The following SGCZ variants were observed in gnomAD, a reference collection of about 807,000 sequenced individuals.
SGCZ encodes the protein zeta-sarcoglycan.
In SGCZ, 40 loss-of-function variants were observed where a neutral mutation model predicts 41.3. That is an observed-to-expected ratio of 0.97 (90% CI 0.75 to 1.26). The LOEUF is 1.26. SGCZ is among the 50% of genes most tolerant of loss of function. The probability of loss-of-function intolerance (pLI) is 0.00; values close to 1 mark genes in which losing one functional copy is unlikely to be tolerated. For missense variants in SGCZ, 552 were observed against 369.8 expected, an observed-to-expected ratio of 1.49 and a Z score of -4.04; for synonymous variants, 206 against 137.5, an observed-to-expected ratio of 1.50 and a Z score of -3.49.
rs56284031 is a variant in SGCZ, at chr8:14,102,090, A to G, written c.744+286T>C. On this transcript the variant is annotated intron_variant, in intron 7 of 7. Transcript: ENST00000382080. ...CTTGGCTAACTTTATATATATATAT[A>G]TATATATATATATAATTTTTTTTTT... 5.1e-3 allele frequency among the ~76,000 whole-genome samples: 290 copies of G among 57,340 alleles called. 3 individuals carry two copies. The highest frequency in any genetic ancestry group is 0.012 in the Admixed American group (65 of 5,320). The allele number at this position is 57,340 out of a possible 152,430, so 37.6% of individuals were successfully genotyped here.
intron 1 of SGCZ, among the ~76,000 whole-genome samples, chr8:14,795,668 TA>T (rs1426207465): frequency 3.3e-5 from 5 of 152,314 alleles, no homozygotes; most frequent in African/African-American, 1.2e-4. Flanking sequence ...CTTTATTGTT[TA>T]TTTTTTTAAA....
intron 4 of SGCZ, among the ~76,000 whole-genome samples, chr8:14,165,882 G>C (rs924651780): frequency 1.3e-5 from 2 of 152,078 alleles, no homozygotes. Context: ...GAATACTTAA[G>C]CTTTCATCCA....
intron 2 of SGCZ, among the ~76,000 whole-genome samples, chr8:14,503,857 A>G (rs1034636806): frequency 1.3e-5 from 2 of 152,190 alleles, no homozygotes; most frequent in Non-Finnish European, 2.9e-5. Flanking sequence ...TTATAGACTT[A>G]TTTGAAGAGA....
intron 2 of SGCZ, among the ~76,000 whole-genome samples, chr8:14,326,181 C>T (rs1328227872): frequency 1.4e-5 from 2 of 145,782 alleles, no homozygotes; most frequent in Non-Finnish European, 3.0e-5. Flanking sequence ...GATAAGCAAG[C>T]CCAACGTAGA....
intron 1 of SGCZ, among the ~76,000 whole-genome samples, chr8:15,055,740 C>A (rs966993739): frequency 2.6e-5 from 4 of 152,182 alleles, no homozygotes; most frequent in African/African-American, 9.7e-5. Context: ...GCTCTCCAAG[C>A]TCTATCACAT....
chr8:15,168,071 C>T (rs1380054762), intron 1 of SGCZ, among the ~76,000 whole-genome samples: 1 of 152,220 alleles, frequency 6.6e-6, no homozygotes, highest in Non-Finnish European at 1.5e-5. Context: ...GACATCCTTT[C>T]CTCTCTCTTG....
intron 1 of SGCZ, among the ~76,000 whole-genome samples, chr8:14,723,749 T>C (rs548190119): frequency 7.8e-4 from 119 of 152,206 alleles, no homozygotes; most frequent in African/African-American, 2.8e-3. Flanking sequence ...ATATTATACA[T>C]GTTTATATAC....
Position 14,673,465 on chromosome 8 carries a change from A to G in SGCZ, c.40-118539T>C, listed in dbSNP as rs963482034. The stretch of plus-strand genomic sequence containing the variant: ...CGCGCTGTCTCTCTCTCTCTCTCTC[A>G]CTCTCTCTCTCTCTCCTGCCATCTT... On this transcript the variant is annotated intron_variant, in intron 1 of 7. Transcript: ENST00000382080. Among the ~76,000 whole-genome samples, 5 of 133,910 alleles carry G rather than the reference A, an allele frequency of 3.7e-5. No individual in the cohort carries two copies. The East Asian group carries it at 8.8e-4, about 24-fold the overall frequency. The allele number at this position is 133,910 out of a possible 152,430, so 87.9% of individuals were successfully genotyped here. A position where few individuals can be genotyped will look rare whatever the true frequency, so the allele number is the denominator to read the frequency against.
intron 2 of SGCZ, among the ~76,000 whole-genome samples, chr8:14,463,368 C>T (rs1241403750): frequency 2.1e-5 from 3 of 145,762 alleles, no homozygotes; most frequent in African/African-American, 7.6e-5. Flanking sequence ...GGCATGTAGA[C>T]CAATGGAAAA....
In SGCZ at chr8:14,633,176, A is replaced by G. The variant is rs116116823; in HGVS notation, c.40-78250T>C. Among the ~76,000 whole-genome samples the G allele has an allele frequency of 8.8e-3, 1,331 of 152,114 alleles. 17 individuals are homozygous for G. Among genetic ancestry groups the G allele is most frequent in the African/African-American group, 0.03 (1,261 of 41,550 alleles). ...GTCATGAATAAATACATATTTTAAC[A>G]TTTGCTACCTGCATAATTCATCTGG... is the stretch of plus-strand genomic sequence containing the variant. On this transcript the variant is annotated intron_variant, in intron 1 of 7. Transcript: ENST00000382080.
At chr8:14,502,257 C>A (rs866251100) in intron 2 of SGCZ, among the ~76,000 whole-genome samples, 6 of 152,120 alleles carry the variant, frequency 3.9e-5, no homozygotes, top group Middle Eastern at 3.4e-3. Context: ...TTCCATTTTA[C>A]TTACTCTCGA....
intron 4 of SGCZ, among the ~76,000 whole-genome samples, chr8:14,169,011 C>T (rs1161833257): frequency 2.0e-5 from 3 of 152,048 alleles, no homozygotes; most frequent in Non-Finnish European, 1.5e-5. Flanking sequence ...AGAAATGTTC[C>T]TAATATGTTA....
At chr8:14,564,192 G>A (rs1254640141) in intron 1 of SGCZ, among the ~76,000 whole-genome samples, 2 of 152,098 alleles carry the variant, frequency 1.3e-5, no homozygotes, top group East Asian at 3.9e-4. Flanking sequence ...ATAGCAACAT[G>A]CAACATCCTT....
intron 1 of SGCZ, among the ~76,000 whole-genome samples, chr8:15,108,935 A>G (rs771119540): frequency 1.4e-4 from 21 of 152,052 alleles, no homozygotes; most frequent in Non-Finnish European, 2.4e-4. Context: ...AGAATCATAA[A>G]TGATTACATT....
chr8:14,475,380 G>C (rs1045674156), intron 2 of SGCZ, among the ~76,000 whole-genome samples: 2 of 152,108 alleles, frequency 1.3e-5, no homozygotes, highest in Non-Finnish European at 1.5e-5. Flanking sequence ...ATTTGTATAT[G>C]AAAGTAGCAG....
intron 1 of SGCZ, among the ~76,000 whole-genome samples, chr8:14,816,633 T>C (rs1420344843): frequency 4.6e-5 from 7 of 150,994 alleles, no homozygotes; most frequent in Non-Finnish European, 8.8e-5. Context: ...AGTTCAGTTG[T>C]TGGACTCTGA....
chr8:15,209,933 T>C (rs1416308068), intron 1 of SGCZ, among the ~76,000 whole-genome samples: 3 of 152,194 alleles, frequency 2.0e-5, no homozygotes, highest in African/African-American at 7.2e-5. Context: ...TGACCAATTA[T>C]ATTTTAGGAG....
rs375689354 is a variant in SGCZ, at chr8:14,621,052, A to G, written c.40-66126T>C. Among the ~76,000 whole-genome samples, 4 of 152,144 alleles carry G rather than the reference A, an allele frequency of 2.6e-5. No individual in the cohort carries two copies. In the South Asian group the frequency reaches 8.3e-4, roughly 32 times the overall value. On this transcript the variant is annotated intron_variant, in intron 1 of 7. Coordinates refer to ENST00000382080, the MANE Select transcript of SGCZ (RefSeq NM_139167.4). ...TTGGAACCAACCCCAATGTCCATCA[A>G]TGATAGATTGGATTAAGAAAATGTG...
At chr8:15,029,783 A>T (rs1421704723) in intron 1 of SGCZ, among the ~76,000 whole-genome samples, 1 of 152,074 alleles carries the variant, frequency 6.6e-6, no homozygotes, top group African/African-American at 2.4e-5. Context: ...CAAGCCAAAA[A>T]CTTTATAATC....
Sources: gnomAD v4.1 joint callset for allele counts (sites outside exome capture counted in the v4.1 genomes callset) on GRCh38, gnomAD v4.1.1 for gene constraint, MANE v1.5 for transcripts, NCBI Gene and HGNC (gene_info 2026-07-23, HGNC 2026-07-21) for gene names.